The following PGM5 variants were observed in gnomAD, a reference collection of about 807,000 sequenced individuals.
PGM5 encodes the protein phosphoglucomutase 5, also known as phosphoglucomutase-like protein 5.
A neutral mutation model predicts 59.2 loss-of-function variants in PGM5; 23 were observed. The observed-to-expected ratio is 0.39, with a 90% CI of 0.28 to 0.55. The LOEUF is 0.55. Among genes scored for constraint, PGM5 ranks in the 20% least tolerant of loss-of-function variants. The pLI, the probability that PGM5 is intolerant of heterozygous loss-of-function variation, is 0.66. For missense variants in PGM5, 574 were observed against 748.3 expected (o/e 0.77, Z 2.72); for synonymous variants, 214 against 286.0 (o/e 0.75, Z 2.54).
At chr9:68,522,138 C>T (rs1392533206) in intron 10 of PGM5, among the ~76,000 whole-genome samples, 1 of 152,054 alleles carries the variant, frequency 6.6e-6, no homozygotes, top group Admixed American at 6.6e-5. Flanking sequence ...ACCTGTAATC[C>T]CAGCTACTCA....
chr9:68,494,330 C>T (rs564045900), intron 9 of PGM5, among the ~76,000 whole-genome samples: 15 of 152,296 alleles, frequency 9.8e-5, no homozygotes, highest in African/African-American at 3.6e-4. Flanking sequence ...TTTTATTAGC[C>T]TCACTGTGTT....
chr9:68,508,815 C>T (rs1351863718), intron 10 of PGM5, among the ~76,000 whole-genome samples: 1 of 152,242 alleles, frequency 6.6e-6, no homozygotes, highest in Non-Finnish European at 1.5e-5. Flanking sequence ...CCGTGCCTTT[C>T]AGGAGAAAGC....
chr9:68,387,628 A>G lies in PGM5; in HGVS notation c.697+40A>G, dbSNP rs577149656. 3.7e-6 allele frequency: 6 copies of G among 1,605,462 alleles called. No homozygotes were observed. In the African/African-American group the frequency reaches 8.0e-5, roughly 21 times the overall value. The stretch of plus-strand genomic sequence containing the variant: ...TTCTCCAAATCAGTGGGCAGGAAAT[A>G]TTGAGACCTGTACACCTGTTGGGTT... On this transcript the variant is annotated intron_variant, in intron 4 of 10. Coordinates refer to ENST00000396396, the MANE Select transcript of PGM5 (RefSeq NM_021965.4).
At chr9:68,489,912 TC>T (rs34420123) in intron 9 of PGM5, among the ~76,000 whole-genome samples, 27,941 of 152,140 alleles carry the variant, frequency 0.18, 2,541 homozygotes, top group Admixed American at 0.21. Flanking sequence ...GATTAATACC[TC>T]TTCAAGTTAA....
rs190475651 is a variant in PGM5, at chr9:68,382,056, A to C, written c.425-2342A>C. ...ATACTAAAATTTGTTTGGAGCCCCC[A>C]AAAACCAAAGCAATGTTGAGGAAAA... On this transcript the variant is annotated intron_variant, in intron 2 of 10. Coordinates refer to ENST00000396396, the MANE Select transcript of PGM5 (RefSeq NM_021965.4). Among the ~76,000 whole-genome samples the C allele has an allele frequency of 1.3e-4, 20 of 151,448 alleles. 1 individual carries two copies. In the East Asian group the frequency reaches 3.5e-3, roughly 26 times the overall value.
chr9:68,517,242 C>A (rs1038627032), intron 10 of PGM5, among the ~76,000 whole-genome samples: 7 of 152,038 alleles, frequency 4.6e-5, no homozygotes, highest in African/African-American at 1.7e-4. Flanking sequence ...CATCTCAGGG[C>A]ATAGGCATAA....
At position 68,472,522 on chromosome 9, in the gene PGM5, CG is replaced by C. The variant is rs1250802973; in HGVS notation, c.1160-6895del. On this transcript the variant is annotated intron_variant, in intron 7 of 10. Transcript: ENST00000396396. ...TCTCTGTGACTCAATTTCCTCATTG[CG>C]AGACAACTTCGTCTGAGGGGATGAT... is the stretch of plus-strand genomic sequence containing the variant. 4.6e-5 allele frequency among the ~76,000 whole-genome samples: 7 copies of C among 152,262 alleles called. No individual in the cohort carries two copies. In the East Asian group the frequency reaches 1.4e-3, roughly 29 times the overall value.
intron 8 of PGM5, 27 bp from the exon 9 acceptor site, chr9:68,483,838 T>C: frequency 1.2e-6 from 2 of 1,608,524 alleles, no homozygotes; most frequent in Non-Finnish European, 1.7e-6. Context: ...TCTGATTAGG[T>C]TTCTGTTCCT....
chr9:68,363,990 G>A (rs2777153), intron 1 of PGM5, among the ~76,000 whole-genome samples: 2 of 152,270 alleles, frequency 1.3e-5, no homozygotes, highest in South Asian at 4.1e-4. Context: ...TTGACTGTAT[G>A]TATTGAATAT....
chr9:68,500,590 T>C (rs1824557114), intron 10 of PGM5, among the ~76,000 whole-genome samples: 1 of 152,154 alleles, frequency 6.6e-6, no homozygotes, highest in East Asian at 1.9e-4. Flanking sequence ...GCCAAAATAA[T>C]TGGTTAGTGC....
chr9:68,421,336 T>G (rs560635303), intron 6 of PGM5, among the ~76,000 whole-genome samples: 22 of 152,276 alleles, frequency 1.4e-4, no homozygotes, highest in Admixed American at 7.2e-4. Context: ...ATGTTGTTTA[T>G]CTATAGATGG....
intron 6 of PGM5, among the ~76,000 whole-genome samples, chr9:68,445,336 G>C (rs1366669332): frequency 6.6e-6 from 1 of 152,128 alleles, no homozygotes; most frequent in African/African-American, 2.4e-5. Context: ...TCCAATGCAG[G>C]TGATCAAAGC....
intron 6 of PGM5, among the ~76,000 whole-genome samples, chr9:68,422,976 T>A (rs1333514297): frequency 1.3e-5 from 2 of 152,264 alleles, no homozygotes; most frequent in East Asian, 3.8e-4. Context: ...TATACCATGT[T>A]TGGTTTCCCA....
Position 68,357,463 on chromosome 9 carries a change from C to T in PGM5, c.261+75C>T. On this transcript the variant is annotated intron_variant, in intron 1 of 10. Coordinates refer to ENST00000396396, the MANE Select transcript of PGM5 (RefSeq NM_021965.4). Reference sequence around the variant, plus strand: ...CTCCTAGCCCTTGTCCCCCTGCTGCCTCCGGGCCCAGTTGGGAGGCCCCTG... The same window carrying T: ...CTCCTAGCCCTTGTCCCCCTGCTGCTTCCGGGCCCAGTTGGGAGGCCCCTG... The T allele has an allele frequency of 3.3e-6, 5 of 1,520,362 alleles. No individual in the cohort carries two copies. The South Asian group carries it at 6.2e-5, about 19-fold the overall frequency. 94.2% of individuals were successfully genotyped at this position (1,520,362 alleles called of 1,614,324 possible).
chr9:68,418,623 G>A (rs1564000325), intron 6 of PGM5, among the ~76,000 whole-genome samples: 1 of 151,956 alleles, frequency 6.6e-6, no homozygotes, highest in Non-Finnish European at 1.5e-5. Context: ...TCACCTTGCT[G>A]CGGCCTGCTG....
intron 1 of PGM5, among the ~76,000 whole-genome samples, chr9:68,376,329 A>G (rs1400161439): frequency 6.6e-6 from 1 of 152,088 alleles, no homozygotes; most frequent in African/African-American, 2.4e-5. Context: ...ATAGCAGTCT[A>G]ATTCCTTCCT....
intron 10 of PGM5, among the ~76,000 whole-genome samples, chr9:68,520,667 T>G (rs1171630893): frequency 6.6e-6 from 1 of 152,194 alleles, no homozygotes; most frequent in Non-Finnish European, 1.5e-5. Flanking sequence ...AAAAAGCTTT[T>G]GATAAAATGT....
At chr9:68,503,647 C>T (rs1824612221) in intron 10 of PGM5, among the ~76,000 whole-genome samples, 1 of 152,212 alleles carries the variant, frequency 6.6e-6, no homozygotes. Flanking sequence ...CTTAGAACCG[C>T]ATCTCTTTGG....
chr9:68,474,802 G>A (rs1190678217), intron 7 of PGM5, among the ~76,000 whole-genome samples: 2 of 150,990 alleles, frequency 1.3e-5, no homozygotes, highest in Non-Finnish European at 2.9e-5. Context: ...CAGGCAGCAA[G>A]CTTCAAAAAT....
Sources: gnomAD v4.1 joint callset for allele counts (sites outside exome capture counted in the v4.1 genomes callset) on GRCh38, gnomAD v4.1.1 for gene constraint, MANE v1.5 for transcripts, NCBI Gene and HGNC (gene_info 2026-07-23, HGNC 2026-07-21) for gene names.